DAB1: variants seen among roughly 807,000 people sequenced by gnomAD.
DAB1 encodes DAB adaptor protein 1.
A neutral mutation model predicts 64.6 loss-of-function variants in DAB1; 15 were observed. The ratio of observed to expected loss-of-function variants is 0.23; its 90% CI spans 0.16 to 0.36. The LOEUF is 0.36. DAB1 is among the 10% of genes least tolerant of loss of function. The pLI is 1.00. For synonymous variants in DAB1, 235 were observed against 251.9 expected, an observed-to-expected ratio of 0.93 and a Z score of 0.64; for missense variants, 596 against 706.7, an observed-to-expected ratio of 0.84 and a Z score of 1.78.
chr1:57,732,038 G>A (rs1413581638), intron 6 of DAB1, among the ~76,000 whole-genome samples: 1 of 152,166 alleles, frequency 6.6e-6, no homozygotes, highest in African/African-American at 2.4e-5. Context: ...GGGCATTCTG[G>A]AATGAGAATC....
chr1:57,784,568 G>C (rs1386313518), intron 6 of DAB1, among the ~76,000 whole-genome samples: 3 of 152,156 alleles, frequency 2.0e-5, no homozygotes, highest in Non-Finnish European at 4.4e-5. Context: ...GAGGGGTCTG[G>C]ATAAAATATC....
intron 4 of DAB1, among the ~76,000 whole-genome samples, chr1:57,109,889 G>A (rs760358770): frequency 6.6e-6 from 1 of 152,140 alleles, no homozygotes; most frequent in Non-Finnish European, 1.5e-5. Context: ...GGTGTCATTT[G>A]AATGCTCATA....
chr1:58,032,857 G>C (rs1446185098), intron 5 of DAB1, among the ~76,000 whole-genome samples: 1 of 152,200 alleles, frequency 6.6e-6, no homozygotes, highest in Non-Finnish European at 1.5e-5. Context: ...TTTTACAAAA[G>C]ACTCAGGGAG....
At chr1:57,859,704 A>C (rs1179528461) in intron 1 of DAB1, among the ~76,000 whole-genome samples, 5 of 152,194 alleles carry the variant, frequency 3.3e-5, no homozygotes, top group Non-Finnish European at 7.3e-5. Flanking sequence ...CTTTCCTGAT[A>C]ATGGGCTCTC....
At chr1:57,573,738 G>T (rs2101538091) in intron 7 of DAB1, among the ~76,000 whole-genome samples, 1 of 152,284 alleles carries the variant, frequency 6.6e-6, no homozygotes, top group East Asian at 1.9e-4. Flanking sequence ...GAAGTTGCTG[G>T]AATGTGGCTG....
At chr1:57,012,352 T>C (rs1646290989) in intron 12 of DAB1, among the ~76,000 whole-genome samples, 1 of 152,250 alleles carries the variant, frequency 6.6e-6, no homozygotes, top group Non-Finnish European at 1.5e-5. Context: ...TACACCTTAA[T>C]ATAAATACCT....
At chr1:58,473,878 T>C in intron 3 of DAB1, 1 of 773,698 alleles carries the variant, frequency 1.3e-6, no homozygotes, top group Non-Finnish European at 2.0e-6. Flanking sequence ...ACATTTCAAC[T>C]CCGACAGATT....
intron 1 of DAB1, among the ~76,000 whole-genome samples, chr1:57,317,492 T>C (rs1675314149): frequency 6.6e-6 from 1 of 152,192 alleles, no homozygotes; most frequent in African/African-American, 2.4e-5. Flanking sequence ...TCAAGTATGC[T>C]CAAAGATTAC....
intron 1 of DAB1, among the ~76,000 whole-genome samples, chr1:58,541,270 G>A (rs1355062280): frequency 7.7e-5 from 8 of 103,420 alleles, no homozygotes; most frequent in Middle Eastern, 0.013. Flanking sequence ...TTCCAGCCTG[G>A]GCAACAGAGT....
At chr1:57,468,508 T>G (rs1467213826) in intron 7 of DAB1, among the ~76,000 whole-genome samples, 6 of 152,210 alleles carry the variant, frequency 3.9e-5, no homozygotes, top group Non-Finnish European at 7.3e-5. Context: ...AGAAAAGATC[T>G]GATCTATAAT....
At chr1:58,130,081 T>C (rs1286799350) in intron 5 of DAB1, among the ~76,000 whole-genome samples, 52 of 124,482 alleles carry the variant, frequency 4.2e-4, no homozygotes, top group African/African-American at 1.6e-3. Context: ...ATTATTAATG[T>C]GTGGGAGTCT....
intron 4 of DAB1, among the ~76,000 whole-genome samples, chr1:57,131,287 C>A (rs1035076042): frequency 6.6e-6 from 1 of 152,320 alleles, no homozygotes; most frequent in South Asian, 2.1e-4. Flanking sequence ...TTTAACCTAC[C>A]TGTACCTTAG....
intron 1 of DAB1, among the ~76,000 whole-genome samples, chr1:58,531,009 C>A (rs1027667745): frequency 2.0e-5 from 3 of 152,088 alleles, no homozygotes; most frequent in African/African-American, 7.2e-5. Context: ...GCATAATAAT[C>A]TTGTGAAATA....
At chr1:58,141,990 G>A (rs551359033) in intron 5 of DAB1, among the ~76,000 whole-genome samples, 1 of 152,204 alleles carries the variant, frequency 6.6e-6, no homozygotes, top group East Asian at 1.9e-4. Context: ...GCAGGCCCTG[G>A]TCAGTCACCG....
chr1:58,032,039 T>TGTGTGTGTGTG (rs1646979773), intron 5 of DAB1, among the ~76,000 whole-genome samples: 2 of 142,770 alleles, frequency 1.4e-5, no homozygotes, highest in African/African-American at 2.6e-5. Context: ...TGTGTGTGTG[T>TGTGTGTGTGTG]TTAATCTGAC....
At chr1:58,502,084 G>A (rs961244366) in intron 3 of DAB1, among the ~76,000 whole-genome samples, 4 of 152,150 alleles carry the variant, frequency 2.6e-5, no homozygotes, top group African/African-American at 9.7e-5. Context: ...TGCATAAAGT[G>A]TAAATTTAAA....
chr1:57,301,007 C>A (rs1355353636), intron 1 of DAB1, among the ~76,000 whole-genome samples: 3 of 151,358 alleles, frequency 2.0e-5, no homozygotes, highest in Admixed American at 6.6e-5. Context: ...AAGGGCCAAG[C>A]AAAAGACTGC....
At chr1:58,148,893 C>A (rs1394319014) in intron 5 of DAB1, among the ~76,000 whole-genome samples, 1 of 152,124 alleles carries the variant, frequency 6.6e-6, no homozygotes, top group East Asian at 1.9e-4. Context: ...CAAACCATAT[C>A]AATCATCAAA....
intron 5 of DAB1, among the ~76,000 whole-genome samples, chr1:58,047,415 G>A (rs1647309319): frequency 6.6e-6 from 1 of 152,174 alleles, no homozygotes; most frequent in South Asian, 2.1e-4. Flanking sequence ...TGGCACCAGG[G>A]AGGTGGGCCT....
Sources: allele counts gnomAD v4.1 joint callset (sites outside exome capture counted in the v4.1 genomes callset), GRCh38; gene constraint gnomAD v4.1.1; transcripts MANE v1.5; gene names NCBI Gene and HGNC (gene_info 2026-07-23, HGNC 2026-07-21).